The following SLC30A8 variants were observed in gnomAD, a reference collection of about 807,000 sequenced individuals.
SLC30A8 encodes the protein proton-coupled zinc antiporter SLC30A8.
A neutral mutation model predicts 36.9 loss-of-function variants in SLC30A8; 27 were observed. The observed-to-expected ratio is 0.73, with a 90% CI of 0.54 to 1.01. The LOEUF is 1.01. Among genes scored for constraint, SLC30A8 ranks in the 50% least tolerant of loss-of-function variants. The pLI, the probability that SLC30A8 is intolerant of heterozygous loss-of-function variation, is 0.00. For missense variants in SLC30A8, 439 were observed against 452.0 expected (o/e 0.97, Z 0.26); for synonymous variants, 164 against 172.4 (o/e 0.95, Z 0.38).
intron 2 of SLC30A8, among the ~76,000 whole-genome samples, chr8:117,148,484 A>G (rs1198889372): frequency 2.0e-5 from 3 of 152,088 alleles, no homozygotes; most frequent in African/African-American, 7.2e-5. Context: ...AATATCTGTT[A>G]TTTCCTACTC....
intron 2 of SLC30A8, among the ~76,000 whole-genome samples, chr8:117,061,621 T>G (rs1402959741): frequency 6.6e-6 from 1 of 152,224 alleles, no homozygotes; most frequent in Non-Finnish European, 1.5e-5. Flanking sequence ...AATGACCTTC[T>G]TCTAGTTTGT....
intron 2 of SLC30A8, among the ~76,000 whole-genome samples, chr8:117,049,887 C>T (rs2130770302): frequency 6.6e-6 from 1 of 152,310 alleles, no homozygotes. Context: ...CTGCCTCTCT[C>T]ACTCTGAAAA....
intron 1 of SLC30A8, among the ~76,000 whole-genome samples, chr8:116,990,429 C>T (rs1815595217): frequency 6.6e-6 from 1 of 152,132 alleles, no homozygotes; most frequent in Non-Finnish European, 1.5e-5. Flanking sequence ...ATCATGTAGC[C>T]TCTTCACCTT....
chr8:116,989,677 G>A (rs1175789844), intron 1 of SLC30A8, among the ~76,000 whole-genome samples: 1 of 152,176 alleles, frequency 6.6e-6, no homozygotes, highest in African/African-American at 2.4e-5. Flanking sequence ...ATATCAGAAG[G>A]ATGCAGTAGG....
rs1435374882 is a variant in SLC30A8 at position 117,006,778 on chromosome 8, T to A, written c.-265-32441T>A. Among the ~76,000 whole-genome samples the A allele has an allele frequency of 2.6e-3, 301 of 114,018 alleles. 4 individuals are homozygous for A. The highest frequency in any genetic ancestry group is 0.01 in the African/African-American group (280 of 27,290). The allele number at this position is 114,018 out of a possible 152,430, so 74.8% of individuals were successfully genotyped here. A position where few individuals can be genotyped will look rare whatever the true frequency, so the allele number is the denominator to read the frequency against. ...CTGAGAGTTGAGTCAGGTAATTTTT[T>A]TTTTTTTTTTTTTTTTTTTTTTGAG... is the stretch of plus-strand genomic sequence containing the variant. On this transcript the variant is annotated intron_variant, in intron 1 of 10. Transcript: ENST00000427715.
chr8:117,088,719 A>G (rs1818982637), intron 2 of SLC30A8, among the ~76,000 whole-genome samples: 1 of 152,222 alleles, frequency 6.6e-6, no homozygotes, highest in East Asian at 1.9e-4. Flanking sequence ...TAGGTAATAC[A>G]CATGTTTTTC....
At chr8:117,047,660 G>A (rs537727799) in intron 2 of SLC30A8, among the ~76,000 whole-genome samples, 84 of 152,152 alleles carry the variant, frequency 5.5e-4, no homozygotes, top group African/African-American at 1.8e-3. Context: ...ATCTTTAGGG[G>A]TCATTTCGTC....
At chr8:116,976,450 G>A (rs1232737400) in intron 1 of SLC30A8, among the ~76,000 whole-genome samples, 1 of 152,102 alleles carries the variant, frequency 6.6e-6, no homozygotes, top group Admixed American at 6.5e-5. Context: ...GCAAGTAGTT[G>A]TATTCCCCAA....
At chr8:117,021,762 T>C (rs1170455988) in intron 1 of SLC30A8, among the ~76,000 whole-genome samples, 2 of 152,138 alleles carry the variant, frequency 1.3e-5, no homozygotes, top group Admixed American at 6.6e-5. Context: ...ACATGTATTA[T>C]ACAACAATAA....
intron 1 of SLC30A8, among the ~76,000 whole-genome samples, chr8:116,996,198 ATG>A (rs1815808539): frequency 6.6e-6 from 1 of 152,310 alleles, no homozygotes; most frequent in East Asian, 1.9e-4. Context: ...GTCTCACAAA[ATG>A]TTAGCTCTAA....
At chr8:117,035,880 T>G (rs1159450749) in intron 1 of SLC30A8, among the ~76,000 whole-genome samples, 2 of 152,326 alleles carry the variant, frequency 1.3e-5, no homozygotes, top group South Asian at 4.1e-4. Context: ...TAGCCACAGC[T>G]GGAGCTGGAG....
At chr8:117,043,211 GT>G (rs1268180839) in intron 2 of SLC30A8, among the ~76,000 whole-genome samples, 15 of 152,210 alleles carry the variant, frequency 9.9e-5, no homozygotes, top group African/African-American at 3.6e-4. Flanking sequence ...CATGGAGCCT[GT>G]TTTTTGGGAT....
intron 2 of SLC30A8, among the ~76,000 whole-genome samples, chr8:117,099,232 G>A (rs1316407557): frequency 2.0e-5 from 3 of 152,122 alleles, no homozygotes; most frequent in African/African-American, 7.2e-5. Flanking sequence ...TGCACCTGCT[G>A]TTCCTTATGT....
rs747907515 is a variant in SLC30A8, at chr8:117,135,193, A to G, written c.-135A>G. On this transcript the variant is annotated 5_prime_UTR_variant, in exon 1 of 8. Coordinates refer to ENST00000456015, the MANE Select transcript of SLC30A8 (RefSeq NM_173851.3). ...CCAACAACACTGATGTAGGAAGCTCATTATTTTAATTTCTGGAGCCTTTTA... is the reference window on the plus strand; with the variant it reads ...CCAACAACACTGATGTAGGAAGCTCGTTATTTTAATTTCTGGAGCCTTTTA... 5.6e-6 allele frequency: 3 copies of G among 537,742 alleles called. No homozygotes were observed. Among genetic ancestry groups the G allele is most frequent in the Non-Finnish European group, 9.9e-6 (3 of 303,646 alleles). 33.3% of individuals were successfully genotyped at this position (537,742 alleles called of 1,614,324 possible). A position where few individuals can be genotyped will look rare whatever the true frequency, so the allele number is the denominator to read the frequency against.
At chr8:117,051,854 C>A (rs1051384020) in intron 2 of SLC30A8, among the ~76,000 whole-genome samples, 1 of 151,938 alleles carries the variant, frequency 6.6e-6, no homozygotes. Context: ...CCGAGCCTGG[C>A]ACCTCCTCAC....
chr8:116,995,368 A>G (rs1586374978), intron 1 of SLC30A8, among the ~76,000 whole-genome samples: 2 of 152,080 alleles, frequency 1.3e-5, no homozygotes, highest in East Asian at 1.9e-4. Flanking sequence ...TAGGCCACCT[A>G]GGGTCAAGTT....
At chr8:117,027,420 T>A (rs1309725871) in intron 1 of SLC30A8, among the ~76,000 whole-genome samples, 1 of 152,206 alleles carries the variant, frequency 6.6e-6, no homozygotes, top group Non-Finnish European at 1.5e-5. Flanking sequence ...TCTTCAGGTC[T>A]CAATTCAAAT....
chr8:116,992,924 C>T (rs1231311405), intron 1 of SLC30A8, among the ~76,000 whole-genome samples: 1 of 151,970 alleles, frequency 6.6e-6, no homozygotes, highest in Non-Finnish European at 1.5e-5. Context: ...CAATTTGCAG[C>T]ACAAGAATAC....
chr8:117,000,595 T>C (rs1563741853), intron 1 of SLC30A8, among the ~76,000 whole-genome samples: 2 of 152,172 alleles, frequency 1.3e-5, no homozygotes, highest in African/African-American at 2.4e-5. Flanking sequence ...TTAATCCAAA[T>C]TATTTGGCTG....
Sources: allele counts gnomAD v4.1 joint callset (sites outside exome capture counted in the v4.1 genomes callset), GRCh38; gene constraint gnomAD v4.1.1; transcripts MANE v1.5; gene names NCBI Gene and HGNC (gene_info 2026-07-23, HGNC 2026-07-21).